The following HCRTR2 variants were observed in gnomAD, a reference collection of about 807,000 sequenced individuals.
The protein encoded by HCRTR2 is hypocretin receptor 2, also known as orexin receptor type 2.
In HCRTR2, 22 loss-of-function variants were observed where a neutral mutation model predicts 49.0. The ratio of observed to expected loss-of-function variants is 0.45; its 90% CI spans 0.32 to 0.64. The LOEUF is 0.64. HCRTR2 is among the 30% of genes least tolerant of loss of function. HCRTR2 has a pLI of 0.04. For missense variants in HCRTR2, 491 were observed against 559.4 expected (o/e 0.88, Z 1.23); for synonymous variants, 236 against 205.3 (o/e 1.15, Z -1.28).
At chr6:55,245,637 T>C (rs1258686786) in intron 1 of HCRTR2, among the ~76,000 whole-genome samples, 1 of 151,276 alleles carries the variant, frequency 6.6e-6, no homozygotes, top group Non-Finnish European at 1.5e-5. Context: ...GAGAAATGAT[T>C]GCAGGTATGG....
chr6:55,151,691 T>C lies in HCRTR2; in HGVS notation c.-377-22520T>C, dbSNP rs12530322. On this transcript the variant is annotated intron_variant, in intron 1 of 7. Coordinates refer to the HCRTR2 transcript ENST00000615358. ...AATCACAAATGTTCTTAATGGCACCTAGAATGGTGGATTCTTTCCAGAAAG... is the reference window on the plus strand; with the variant it reads ...AATCACAAATGTTCTTAATGGCACCCAGAATGGTGGATTCTTTCCAGAAAG... 0.045 allele frequency among the ~76,000 whole-genome samples: 6,821 copies of C among 152,032 alleles called. 1,038 individuals carry two copies. The East Asian group carries it at 0.48, about 11-fold the overall frequency.
chr6:55,255,690 A>G lies in HCRTR2; in HGVS notation c.646+311A>G, dbSNP rs146200098. Among the ~76,000 whole-genome samples, 5 of 152,290 alleles carry G rather than the reference A, an allele frequency of 3.3e-5. No individual in the cohort carries two copies. In the East Asian group the frequency reaches 5.8e-4, roughly 18 times the overall value. On this transcript the variant is annotated intron_variant, in intron 3 of 6. Coordinates refer to ENST00000370862, the MANE Select transcript of HCRTR2 (RefSeq NM_001384272.1). ...TCTTAAACTCTTTAAACAAAAAGCA[A>G]TATGGAATACAAATCCGATTATGTA...
intron 1 of HCRTR2, among the ~76,000 whole-genome samples, chr6:55,131,099 G>A (rs1425699503): frequency 6.6e-6 from 1 of 151,804 alleles, no homozygotes; most frequent in East Asian, 1.9e-4. Flanking sequence ...CAAGGCTTAA[G>A]GGATAGTTTC....
At chr6:55,227,779 T>G (rs1483091550) in intron 1 of HCRTR2, among the ~76,000 whole-genome samples, 1 of 151,974 alleles carries the variant, frequency 6.6e-6, no homozygotes, top group Admixed American at 6.6e-5. Context: ...ATTTCTACTG[T>G]GAACAAAGCA....
intron 1 of HCRTR2, among the ~76,000 whole-genome samples, chr6:55,202,927 G>T (rs1765536328): frequency 6.6e-6 from 1 of 152,162 alleles, no homozygotes; most frequent in Non-Finnish European, 1.5e-5. Flanking sequence ...TTAAGCTTCA[G>T]CAGCTCCAAT....
At chr6:55,227,121 A>G (rs183921521) in intron 1 of HCRTR2, among the ~76,000 whole-genome samples, 9 of 147,794 alleles carry the variant, frequency 6.1e-5, no homozygotes, top group Non-Finnish European at 1.4e-4. Context: ...TAACCCTTGC[A>G]GTATTCTATG....
chr6:55,216,513 A>C (rs185690479), intron 1 of HCRTR2, among the ~76,000 whole-genome samples: 1 of 152,302 alleles, frequency 6.6e-6, no homozygotes, highest in Admixed American at 6.5e-5. Flanking sequence ...TCCCTTGTCG[A>C]AAGGGAAAAT....
At position 55,142,671 on chromosome 6, in the gene HCRTR2, G is replaced by A. The variant is rs72975482; in HGVS notation, c.-377-31540G>A. On this transcript the variant is annotated intron_variant, in intron 1 of 7. Transcript: ENST00000615358. The stretch of plus-strand genomic sequence containing the variant: ...TCATTTTTGTTGTTTTTGCAGCATC[G>A]TTTTCCACATGTGTAGTTTAGCATT... Among the ~76,000 whole-genome samples the A allele has an allele frequency of 2.6e-5, 4 of 151,394 alleles. No individual in the cohort carries two copies. The South Asian group carries it at 6.3e-4, about 24-fold the overall frequency.
intron 1 of HCRTR2, among the ~76,000 whole-genome samples, chr6:55,117,880 CTGTTTTT>C (rs1561976459): frequency 1.5e-5 from 1 of 65,114 alleles, no homozygotes; most frequent in African/African-American, 3.4e-5. Flanking sequence ...GTTTTTTTTT[CTGTTTTT>C]CCTTTATTTA....
intron 1 of HCRTR2, among the ~76,000 whole-genome samples, chr6:55,134,500 T>C (rs1384573073): frequency 1.3e-5 from 2 of 151,828 alleles, no homozygotes; most frequent in Non-Finnish European, 2.9e-5. Context: ...AGATTTACCC[T>C]CATAGCAAAT....
At position 55,202,775 on chromosome 6, in the gene HCRTR2, T is replaced by C. The variant is rs533470323; in HGVS notation, c.223+27965T>C. Reference sequence around the variant, plus strand: ...TTTCAACAAATGAAGCCGGGGGAGGTTGGTAAACATTCAATCTATAGCAAT... The same window carrying C: ...TTTCAACAAATGAAGCCGGGGGAGGCTGGTAAACATTCAATCTATAGCAAT... On this transcript the variant is annotated intron_variant, in intron 1 of 6. Transcript: ENST00000370862. 5.0e-3 allele frequency among the ~76,000 whole-genome samples: 761 copies of C among 151,786 alleles called. 6 individuals are homozygous for C. The highest frequency in any genetic ancestry group is 6.4e-3 in the Non-Finnish European group (432 of 67,950).
chr6:55,269,454 A>T (rs947097072), intron 4 of HCRTR2, among the ~76,000 whole-genome samples: 26 of 152,190 alleles, frequency 1.7e-4, no homozygotes, highest in African/African-American at 6.3e-4. Context: ...TTATATAGAA[A>T]ATCCTAACGA....
At chr6:55,194,335 G>A (rs951837098) in intron 1 of HCRTR2, among the ~76,000 whole-genome samples, 1 of 152,034 alleles carries the variant, frequency 6.6e-6, no homozygotes, top group Non-Finnish European at 1.5e-5. Context: ...CCCTTTAAAA[G>A]ATAATAATGC....
intron 1 of HCRTR2, among the ~76,000 whole-genome samples, chr6:55,219,273 T>C (rs1305818476): frequency 2.0e-5 from 3 of 152,166 alleles, no homozygotes; most frequent in Non-Finnish European, 4.4e-5. Context: ...ACATATATTA[T>C]CCAGAATAGA....
chr6:55,195,853 A>C (rs1043004382), intron 1 of HCRTR2, among the ~76,000 whole-genome samples: 1 of 152,032 alleles, frequency 6.6e-6, no homozygotes, highest in Non-Finnish European at 1.5e-5. Context: ...CTGTAGTCCC[A>C]GCTACTGGGG....
intron 1 of HCRTR2, among the ~76,000 whole-genome samples, chr6:55,112,401 A>C (rs941118589): frequency 5.9e-5 from 9 of 151,804 alleles, no homozygotes; most frequent in Non-Finnish European, 1.0e-4. Flanking sequence ...AACCCTAAAA[A>C]CTCATCTTAA....
chr6:55,161,212 A>G (rs1221756913), intron 1 of HCRTR2, among the ~76,000 whole-genome samples: 5 of 152,190 alleles, frequency 3.3e-5, no homozygotes, highest in Non-Finnish European at 7.3e-5. Context: ...TGGAAACTGA[A>G]CAACCTGCTG....
At chr6:55,138,763 T>C (rs1157905047) in intron 1 of HCRTR2, among the ~76,000 whole-genome samples, 1 of 152,222 alleles carries the variant, frequency 6.6e-6, no homozygotes, top group African/African-American at 2.4e-5. Flanking sequence ...TATTTCTAAA[T>C]GGGTAGCCTA....
chr6:55,215,394 A>C (rs1158684403), intron 1 of HCRTR2, among the ~76,000 whole-genome samples: 1 of 152,240 alleles, frequency 6.6e-6, no homozygotes, highest in Non-Finnish European at 1.5e-5. Context: ...AAGGGAATCC[A>C]TCACAATTAA....
Sources: allele counts gnomAD v4.1 joint callset (sites outside exome capture counted in the v4.1 genomes callset), GRCh38; gene constraint gnomAD v4.1.1; transcripts MANE v1.5; gene names NCBI Gene and HGNC (gene_info 2026-07-23, HGNC 2026-07-21).